The following TMEM123 variants were observed in gnomAD, a reference collection of about 807,000 sequenced individuals.
TMEM123 encodes the protein porimin.
A neutral mutation model predicts 19.7 loss-of-function variants in TMEM123; 16 were observed. That is an observed-to-expected ratio of 0.81 (90% confidence interval 0.55 to 1.23). The LOEUF (loss-of-function observed/expected upper bound fraction) is 1.23, where lower values mean the gene tolerates loss of function less well. Among genes scored for constraint, TMEM123 ranks in the 50% most tolerant of loss-of-function variants. The pLI, the probability that TMEM123 is intolerant of heterozygous loss-of-function variation, is 0.00. For missense variants in TMEM123, 313 were observed against 257.8 expected, an observed-to-expected ratio of 1.21 and a Z score of -1.47; for synonymous variants, 118 against 99.4, an observed-to-expected ratio of 1.19 and a Z score of -1.12.
chr11:102,439,220 T>G (rs983567497), intron 2 of TMEM123, among the ~76,000 whole-genome samples: 1 of 152,018 alleles, frequency 6.6e-6, no homozygotes, highest in Non-Finnish European at 1.5e-5. Flanking sequence ...AAAACTTGCT[T>G]GTCTGACAGC....
At chr11:102,441,260 C>G (rs184501569) in intron 2 of TMEM123, among the ~76,000 whole-genome samples, 4 of 152,318 alleles carry the variant, frequency 2.6e-5, no homozygotes, top group East Asian at 3.9e-4. Flanking sequence ...AGCACCACAT[C>G]GCACTTATTG....
chr11:102,402,361 G>A (rs1951921841), intron 2 of TMEM123, among the ~76,000 whole-genome samples, 155 bp from the exon 3 acceptor site: 1 of 151,706 alleles, frequency 6.6e-6, no homozygotes, highest in Non-Finnish European at 1.5e-5. Flanking sequence ...GCACTATACT[G>A]CAATAAAATG....
At chr11:102,399,866 A>G (rs1361825964) in intron 4 of TMEM123, among the ~76,000 whole-genome samples, 1 of 151,956 alleles carries the variant, frequency 6.6e-6, no homozygotes, top group Non-Finnish European at 1.5e-5. Context: ...GCTACTGGGG[A>G]GGCTGAGGCA....
At chr11:102,448,979 T>C (rs561276584) in intron 1 of TMEM123, 111 bp from the exon 2 acceptor site, 3 of 1,043,986 alleles carry the variant, frequency 2.9e-6, no homozygotes, top group African/African-American at 3.2e-5. Flanking sequence ...GGAGGGTAGA[T>C]TATTCCACAG....
In TMEM123 at chr11:102,396,670, A is replaced by G. The variant is rs958410173; in HGVS notation, c.*2197T>C. Reference sequence around the variant, plus strand: ...GGTCCAAAGCAAAATATTTTTTTGCATAACCATTTCCCTCAATTTTTATAG... The same window carrying G: ...GGTCCAAAGCAAAATATTTTTTTGCGTAACCATTTCCCTCAATTTTTATAG... On this transcript the variant is annotated 3_prime_UTR_variant, in exon 5 of 5. Coordinates refer to ENST00000398136, the MANE Select transcript of TMEM123 (RefSeq NM_052932.3). 2.0e-5 allele frequency: 3 copies of G among 152,172 alleles called. No individual in the cohort carries two copies. The highest frequency in any genetic ancestry group is 2.9e-5 in the Non-Finnish European group (2 of 68,012). The allele number at this position is 152,172 out of a possible 1,614,324, so 9.4% of individuals were successfully genotyped here.
intron 2 of TMEM123, among the ~76,000 whole-genome samples, chr11:102,435,346 A>T (rs1353645784): frequency 1.3e-5 from 2 of 152,010 alleles, no homozygotes; most frequent in Non-Finnish European, 2.9e-5. Context: ...CACATGAAAA[A>T]ATGTTCAACT....
In TMEM123 at chr11:102,444,542, G is replaced by A. The variant is rs368161720; in HGVS notation, c.157+4270C>T. 3.2e-3 allele frequency among the ~76,000 whole-genome samples: 488 copies of A among 150,746 alleles called. 5 individuals are homozygous for A. The highest frequency in any genetic ancestry group is 0.011 in the African/African-American group (457 of 40,964). On this transcript the variant is annotated intron_variant, in intron 2 of 4. Coordinates refer to ENST00000398136, the MANE Select transcript of TMEM123 (RefSeq NM_052932.3). The stretch of plus-strand genomic sequence containing the variant: ...GGAACATCACACACCAGGGCCTGTC[G>A]TGGGTGGGGGTGGGGTGGGACAGCA...
intron 2 of TMEM123, among the ~76,000 whole-genome samples, chr11:102,414,842 A>C (rs1306272385): frequency 6.6e-6 from 1 of 152,248 alleles, no homozygotes; most frequent in Non-Finnish European, 1.5e-5. Flanking sequence ...ACATCCACAC[A>C]TATCAATGTT....
At chr11:102,404,422 T>C (rs1326170645) in intron 2 of TMEM123, among the ~76,000 whole-genome samples, 1 of 152,004 alleles carries the variant, frequency 6.6e-6, no homozygotes, top group African/African-American at 2.4e-5. Flanking sequence ...TAGCTGGGAT[T>C]ACAGGCACAT....
At chr11:102,402,344 A>G (rs1221059199) in intron 2 of TMEM123, 138 bp from the exon 3 acceptor site, 2 of 848,010 alleles carry the variant, frequency 2.4e-6, no homozygotes, top group African/African-American at 3.4e-5. Context: ...TAGCCCATTA[A>G]TACTTTGCAC....
chr11:102,421,943 C>T (rs1052534733), intron 2 of TMEM123, among the ~76,000 whole-genome samples: 1 of 152,156 alleles, frequency 6.6e-6, no homozygotes, highest in Non-Finnish European at 1.5e-5. Flanking sequence ...CCCTGAAGTG[C>T]TGTTGGAGGT....
intron 2 of TMEM123, among the ~76,000 whole-genome samples, chr11:102,404,126 G>A (rs907641345): frequency 4.6e-5 from 7 of 152,234 alleles, no homozygotes; most frequent in African/African-American, 1.7e-4. Context: ...ATTAACCACT[G>A]GACCTGCTTT....
intron 4 of TMEM123, among the ~76,000 whole-genome samples, chr11:102,400,671 G>A (rs983316140): frequency 2.6e-5 from 4 of 152,224 alleles, no homozygotes; most frequent in African/African-American, 9.6e-5. Flanking sequence ...TAGGTCGTGA[G>A]GGTGGAACCC....
chr11:102,436,442 C>A lies in TMEM123; in HGVS notation c.157+12370G>T, dbSNP rs905509680. Among the ~76,000 whole-genome samples the A allele has an allele frequency of 7.2e-5, 11 of 151,900 alleles. 1 individual carries two copies. Among genetic ancestry groups the A allele is most frequent in the Non-Finnish European group, 1.6e-4 (11 of 67,878 alleles). The stretch of plus-strand genomic sequence containing the variant: ...CCTCCCAAAGTGCTGGGATTACAGG[C>A]GTGAGCCACCGCACCCAGCCTCAAT... On this transcript the variant is annotated intron_variant, in intron 2 of 4. Coordinates refer to ENST00000398136, the MANE Select transcript of TMEM123 (RefSeq NM_052932.3).
intron 2 of TMEM123, among the ~76,000 whole-genome samples, chr11:102,440,844 A>AG (rs1274497751): frequency 2.0e-5 from 3 of 152,194 alleles, no homozygotes; most frequent in South Asian, 4.1e-4. Context: ...AAAGGGATGG[A>AG]GAAGATCTAC....
At chr11:102,440,048 G>A (rs900706601) in intron 2 of TMEM123, among the ~76,000 whole-genome samples, 1 of 152,356 alleles carries the variant, frequency 6.6e-6, no homozygotes, top group African/African-American at 2.4e-5. Context: ...ATGGGACTAT[G>A]TGAAAAGACC....
intron 2 of TMEM123, among the ~76,000 whole-genome samples, chr11:102,439,443 G>T (rs1004952049): frequency 6.6e-6 from 1 of 152,114 alleles, no homozygotes; most frequent in Non-Finnish European, 1.5e-5. Context: ...GGTCTGGAGT[G>T]GACCTCCAGC....
At chr11:102,437,649 G>T (rs979292810) in intron 2 of TMEM123, among the ~76,000 whole-genome samples, 4 of 152,010 alleles carry the variant, frequency 2.6e-5, no homozygotes, top group South Asian at 2.1e-4. Flanking sequence ...ATTTATTATT[G>T]TATCTGCTGT....
At chr11:102,400,731 G>A (rs1207408953) in intron 4 of TMEM123, among the ~76,000 whole-genome samples, 3 of 152,154 alleles carry the variant, frequency 2.0e-5, no homozygotes, top group East Asian at 1.9e-4. Context: ...GAACTAGCTC[G>A]CCTTCTTTCT....
Sources: gnomAD v4.1 joint callset for allele counts (sites outside exome capture counted in the v4.1 genomes callset) on GRCh38, gnomAD v4.1.1 for gene constraint, MANE v1.5 for transcripts, NCBI Gene and HGNC (gene_info 2026-07-23, HGNC 2026-07-21) for gene names.